The following DGKB variants were observed in gnomAD, a reference collection of about 807,000 sequenced individuals.
DGKB encodes the protein diacylglycerol kinase beta.
DGKB carries 67 observed loss-of-function variants against 114.3 expected under a neutral mutation model. The observed-to-expected ratio is 0.59, with a 90% CI of 0.48 to 0.72. DGKB has a LOEUF of 0.72. DGKB is among the 30% of genes least tolerant of loss of function. The probability of loss-of-function intolerance (pLI) is 0.00; values close to 1 mark genes in which losing one functional copy is unlikely to be tolerated. For synonymous variants in DGKB, 398 were observed against 323.1 expected (o/e 1.23, Z -2.49); for missense variants, 907 against 975.2 (o/e 0.93, Z 0.93).
At chr7:14,577,410 G>A (rs1353780190) in intron 19 of DGKB, among the ~76,000 whole-genome samples, 1 of 152,162 alleles carries the variant, frequency 6.6e-6, no homozygotes, top group African/African-American at 2.4e-5. Flanking sequence ...GAGGTCAGGA[G>A]ATCAAGACCA....
chr7:14,426,736 T>C (rs1456605169), intron 21 of DGKB, among the ~76,000 whole-genome samples: 1 of 152,060 alleles, frequency 6.6e-6, no homozygotes, highest in African/African-American at 2.4e-5. Context: ...GTGTACTTAG[T>C]TCCACTGACT....
Position 14,176,914 on chromosome 7 carries a change from T to A in DGKB, c.2244-15A>T, listed in dbSNP as rs1352743186. On this transcript the variant is annotated splice_polypyrimidine_tract_variant and intron_variant, in intron 24 of 25. Transcript: ENST00000402815. ...ACTTGCTCGTCCTGGGGGAAAATAT[T>A]TCATTGTAAGTATTGCAAGGAAATA... 3.7e-6 allele frequency: 6 copies of A among 1,613,140 alleles called. No homozygotes were observed. Among genetic ancestry groups the A allele is most frequent in the Non-Finnish European group, 5.1e-6 (6 of 1,179,186 alleles).
intron 2 of DGKB, among the ~76,000 whole-genome samples, chr7:14,814,363 T>A (rs926515201): frequency 2.0e-5 from 3 of 152,162 alleles, no homozygotes; most frequent in African/African-American, 7.2e-5. Flanking sequence ...AATGGGATTT[T>A]TAAAATGATA....
chr7:14,764,912 T>A (rs1471680503), intron 2 of DGKB, among the ~76,000 whole-genome samples: 2 of 151,834 alleles, frequency 1.3e-5, no homozygotes, highest in African/African-American at 4.8e-5. Flanking sequence ...ATAAAAGAAG[T>A]TCTACTTAGA....
At chr7:14,453,788 A>T (rs987447) in intron 21 of DGKB, among the ~76,000 whole-genome samples, 147,530 of 152,244 alleles carry the variant, frequency 0.97, 71,501 homozygotes, top group East Asian at 1. Context: ...AATGCAGCCA[A>T]AGATAGCAGA....
chr7:14,354,725 G>C (rs1036373678), intron 21 of DGKB, among the ~76,000 whole-genome samples: 12 of 152,182 alleles, frequency 7.9e-5, no homozygotes, highest in African/African-American at 2.9e-4. Flanking sequence ...CAATCTGGAA[G>C]TTAATTTGGC....
intron 9 of DGKB, among the ~76,000 whole-genome samples, chr7:14,687,371 T>A (rs1397873259): frequency 1.3e-5 from 2 of 152,172 alleles, no homozygotes; most frequent in African/African-American, 2.4e-5. Context: ...GCTACGCAGG[T>A]GTCATACAGA....
intron 4 of DGKB, among the ~76,000 whole-genome samples, chr7:14,738,157 A>T (rs1832027602): frequency 6.6e-6 from 1 of 152,262 alleles, no homozygotes; most frequent in Non-Finnish European, 1.5e-5. Flanking sequence ...ATTAAAGAGA[A>T]GTATTCCACA....
intron 1 of DGKB, among the ~76,000 whole-genome samples, chr7:14,946,400 T>G (rs1785881454): frequency 6.6e-6 from 1 of 151,832 alleles, no homozygotes; most frequent in African/African-American, 2.4e-5. Flanking sequence ...GTTTTTACAC[T>G]GTCTTCTTAA....
chr7:14,933,006 C>G (rs1785104904), intron 1 of DGKB, among the ~76,000 whole-genome samples: 1 of 152,158 alleles, frequency 6.6e-6, no homozygotes, highest in South Asian at 2.1e-4. Context: ...AGAATAGTTT[C>G]CTATCTGCTC....
chr7:14,901,144 C>G (rs1411802424), intron 1 of DGKB, among the ~76,000 whole-genome samples: 1 of 152,126 alleles, frequency 6.6e-6, no homozygotes, highest in African/African-American at 2.4e-5. Context: ...AAATTGGGCA[C>G]TCCAACAATG....
chr7:14,661,604 G>A (rs923610272), intron 13 of DGKB, among the ~76,000 whole-genome samples: 2 of 152,080 alleles, frequency 1.3e-5, no homozygotes, highest in African/African-American at 4.8e-5. Context: ...TACACTGCTG[G>A]TAGGACTGTA....
intron 23 of DGKB, among the ~76,000 whole-genome samples, chr7:14,184,347 A>C (rs1200743955): frequency 6.6e-6 from 1 of 152,196 alleles, no homozygotes; most frequent in Admixed American, 6.5e-5. Flanking sequence ...AGGCAGGGGA[A>C]GAACCAAGAC....
rs1169557978 is a variant in DGKB at position 14,893,830 on chromosome 7, T to A, written c.-188+8762A>T. 3.3e-5 allele frequency among the ~76,000 whole-genome samples: 5 copies of A among 151,390 alleles called. No individual in the cohort carries two copies. The South Asian group carries it at 8.3e-4, about 25-fold the overall frequency. On this transcript the variant is annotated intron_variant, in intron 1 of 25. Coordinates refer to ENST00000402815, the MANE Select transcript of DGKB (RefSeq NM_001350709.2). ...TGAGTCTCTTGTTCTCCCCATCTCC[T>A]ATAGCAACATGTGCCTACTTCTACA...
chr7:14,840,648 T>C (rs952750256), intron 2 of DGKB, among the ~76,000 whole-genome samples: 4 of 151,842 alleles, frequency 2.6e-5, no homozygotes, highest in African/African-American at 9.7e-5. Flanking sequence ...TTACAACCTC[T>C]GATTCTAATT....
At chr7:14,208,256 C>T (rs570667772) in intron 23 of DGKB, among the ~76,000 whole-genome samples, 2 of 151,828 alleles carry the variant, frequency 1.3e-5, no homozygotes, top group Non-Finnish European at 2.9e-5. Context: ...TAAAATAAAA[C>T]ATTTACTTGA....
chr7:14,936,656 C>T (rs994876618), intron 1 of DGKB, among the ~76,000 whole-genome samples: 1 of 152,048 alleles, frequency 6.6e-6, no homozygotes, highest in African/African-American at 2.4e-5. Context: ...ACAGGGCAGG[C>T]CTGTTTGCGG....
At chr7:14,801,076 T>TATGTGC (rs1842087724) in intron 2 of DGKB, among the ~76,000 whole-genome samples, 1 of 152,212 alleles carries the variant, frequency 6.6e-6, no homozygotes, top group Non-Finnish European at 1.5e-5. Flanking sequence ...TGAATAAGTG[T>TATGTGC]ATGTGCATGT....
At chr7:14,418,625 T>G (rs1477312747) in intron 21 of DGKB, among the ~76,000 whole-genome samples, 1 of 151,812 alleles carries the variant, frequency 6.6e-6, no homozygotes, top group Non-Finnish European at 1.5e-5. Context: ...ATCATTCTGA[T>G]GCAAACATAA....
Sources: allele counts gnomAD v4.1 joint callset (sites outside exome capture counted in the v4.1 genomes callset), GRCh38; gene constraint gnomAD v4.1.1; transcripts MANE v1.5; gene names NCBI Gene and HGNC (gene_info 2026-07-23, HGNC 2026-07-21).